Variants in GRID1 observed in about 807,000 individuals in gnomAD.
GRID1 encodes glutamate ionotropic receptor delta type subunit 1.
In GRID1, 28 loss-of-function variants were observed where a neutral mutation model predicts 98.0. The observed-to-expected ratio is 0.29, with a 90% CI of 0.21 to 0.39. The LOEUF (loss-of-function observed/expected upper bound fraction) is 0.39. Among genes scored for constraint, GRID1 ranks in the 10% least tolerant of loss-of-function variants. GRID1 has a pLI of 1.00. For synonymous variants in GRID1, 553 were observed against 538.5 expected (o/e 1.03, Z -0.37); for missense variants, 1,111 against 1,340.5 (o/e 0.83, Z 2.67).
chr10:85,609,210 C>G (rs1467506698), intron 15 of GRID1, among the ~76,000 whole-genome samples: 1 of 152,168 alleles, frequency 6.6e-6, no homozygotes, highest in African/African-American at 2.4e-5. Context: ...GGGATTTCAT[C>G]AGGGATAAGG....
chr10:85,723,900 A>G (rs2132651551), intron 11 of GRID1, among the ~76,000 whole-genome samples: 1 of 152,242 alleles, frequency 6.6e-6, no homozygotes, highest in Non-Finnish European at 1.5e-5. Flanking sequence ...TCACTAGTGG[A>G]TAGAAGTACC....
intron 3 of GRID1, among the ~76,000 whole-genome samples, chr10:86,170,527 C>T (rs995770608): frequency 2.0e-5 from 3 of 152,248 alleles, no homozygotes; most frequent in Non-Finnish European, 4.4e-5. Flanking sequence ...TGCTCTTCTC[C>T]CTGCTGGGCC....
chr10:85,754,548 T>G (rs1287824777), intron 8 of GRID1, among the ~76,000 whole-genome samples: 2 of 151,588 alleles, frequency 1.3e-5, no homozygotes, highest in African/African-American at 4.9e-5. Context: ...AGTTAAAGAG[T>G]GAATAGAATT....
chr10:85,604,401 C>T (rs1054496550), intron 15 of GRID1, among the ~76,000 whole-genome samples: 5 of 152,164 alleles, frequency 3.3e-5, no homozygotes, highest in African/African-American at 4.8e-5. Context: ...GGATGTGGCT[C>T]GCTGTCATAG....
intron 12 of GRID1, among the ~76,000 whole-genome samples, chr10:85,707,058 A>G (rs1018444588): frequency 1.2e-4 from 19 of 152,348 alleles, no homozygotes; most frequent in African/African-American, 4.6e-4. Flanking sequence ...ATGGACAAGG[A>G]CTTCATGTCT....
At chr10:86,331,241 T>C (rs1374862638) in intron 2 of GRID1, among the ~76,000 whole-genome samples, 1 of 152,190 alleles carries the variant, frequency 6.6e-6, no homozygotes, top group Non-Finnish European at 1.5e-5. Context: ...CCTCTTTAAG[T>C]GGCTCCTAGG....
chr10:86,164,724 C>A (rs1477494565), intron 3 of GRID1, among the ~76,000 whole-genome samples: 7 of 152,098 alleles, frequency 4.6e-5, no homozygotes, highest in Non-Finnish European at 5.9e-5. Context: ...AACATTCAGG[C>A]AGATGGAATA....
chr10:85,970,991 G>A (rs927672231), intron 4 of GRID1, among the ~76,000 whole-genome samples: 1 of 151,842 alleles, frequency 6.6e-6, no homozygotes, highest in African/African-American at 2.4e-5. Flanking sequence ...ATTCTGCAAG[G>A]TTGCAGGATA....
At chr10:85,753,560 G>A (rs1842068086) in intron 8 of GRID1, among the ~76,000 whole-genome samples, 1 of 152,236 alleles carries the variant, frequency 6.6e-6, no homozygotes, top group African/African-American at 2.4e-5. Flanking sequence ...AACTCCAGCT[G>A]TGAGATATCC....
intron 8 of GRID1, among the ~76,000 whole-genome samples, chr10:85,774,431 T>G (rs1480223080): frequency 5.9e-5 from 9 of 152,188 alleles, no homozygotes; most frequent in African/African-American, 1.7e-4. Context: ...ACTTCATGTC[T>G]AAAACACCAA....
intron 8 of GRID1, among the ~76,000 whole-genome samples, chr10:85,743,116 C>CCCCA (rs1554828608): frequency 1.5e-5 from 2 of 134,744 alleles, no homozygotes; most frequent in Admixed American, 7.4e-5. Flanking sequence ...CCCCCCCCCC[C>CCCCA]ACCACCCATT....
At chr10:86,105,730 C>G (rs1030208121) in intron 4 of GRID1, among the ~76,000 whole-genome samples, 1 of 152,194 alleles carries the variant, frequency 6.6e-6, no homozygotes, top group Admixed American at 6.5e-5. Context: ...AGGTTGGAAT[C>G]TAGGGGAGAG....
intron 5 of GRID1, among the ~76,000 whole-genome samples, chr10:85,875,130 G>A (rs550024387): frequency 2.5e-4 from 38 of 152,170 alleles, no homozygotes; most frequent in African/African-American, 8.2e-4. Context: ...CACTCGCCTC[G>A]GCCTCCCAAA....
At chr10:85,942,965 T>C (rs532614193) in intron 4 of GRID1, among the ~76,000 whole-genome samples, 1 of 152,256 alleles carries the variant, frequency 6.6e-6, no homozygotes, top group Non-Finnish European at 1.5e-5. Context: ...CTGAAAAATA[T>C]GCCTTTGAGT....
intron 8 of GRID1, among the ~76,000 whole-genome samples, chr10:85,841,907 G>A (rs1842964636): frequency 6.6e-6 from 1 of 152,048 alleles, no homozygotes; most frequent in Admixed American, 6.6e-5. Context: ...CATTGTGGAA[G>A]ACAGTGTAGC....
chr10:86,322,414 C>CGTT (rs767920780), intron 2 of GRID1, among the ~76,000 whole-genome samples: 55 of 152,006 alleles, frequency 3.6e-4, no homozygotes, highest in Non-Finnish European at 5.4e-4. Flanking sequence ...TTGTTGTTGT[C>CGTT]GTTGTTGTTG....
At chr10:86,105,664 C>A (rs1263857531) in intron 4 of GRID1, among the ~76,000 whole-genome samples, 1 of 152,202 alleles carries the variant, frequency 6.6e-6, no homozygotes, top group Non-Finnish European at 1.5e-5. Context: ...CTTCTGTGTG[C>A]CAAGCACCAG....
chr10:85,848,653 T>C (rs1843029208), intron 8 of GRID1, among the ~76,000 whole-genome samples: 1 of 152,208 alleles, frequency 6.6e-6, no homozygotes, highest in African/African-American at 2.4e-5. Context: ...AATTCTTGGT[T>C]TAAAGATTGT....
intron 12 of GRID1, among the ~76,000 whole-genome samples, chr10:85,703,036 G>A (rs1470565673): frequency 6.6e-6 from 1 of 151,796 alleles, no homozygotes; most frequent in Admixed American, 6.6e-5. Context: ...TTGTGAGGGG[G>A]TAAGAGAGAA....
Sources: allele counts gnomAD v4.1 joint callset (sites outside exome capture counted in the v4.1 genomes callset), GRCh38; gene constraint gnomAD v4.1.1; transcripts MANE v1.5; gene names NCBI Gene and HGNC (gene_info 2026-07-23, HGNC 2026-07-21).